Variants in SDK1 observed in about 807,000 individuals in gnomAD.
SDK1 encodes the protein sidekick cell adhesion molecule 1, also known as protein sidekick-1.
In SDK1, 157 loss-of-function variants were observed where a neutral mutation model predicts 245.5. That is an observed-to-expected ratio of 0.64 (90% CI 0.56 to 0.73). The LOEUF (loss-of-function observed/expected upper bound fraction) is 0.73, where lower values mean the gene tolerates loss of function less well. Among genes scored for constraint, SDK1 ranks in the 30% least tolerant of loss-of-function variants. The pLI, the probability that SDK1 is intolerant of heterozygous loss-of-function variation, is 0.00. For synonymous variants in SDK1, 1,647 were observed against 1,278.5 expected, an observed-to-expected ratio of 1.29 and a Z score of -6.15; for missense variants, 3,583 against 3,002.3, an observed-to-expected ratio of 1.19 and a Z score of -4.52.
In SDK1 at chr7:4,220,175, T is replaced by G; in HGVS notation, c.5606T>G (p.Leu1869Arg). The stretch of plus-strand genomic sequence containing the variant: ...CAGCGCTGGCTGAAGGTGCGGGACC[T>G]CACCAAGGGAGTGACCTATTTCTTC... The part of the protein sequence containing the change: ...NWQRWLKVRD[L>R]TKGVTYFFRV... Residue 1869 changes from leucine to arginine, a missense_variant, in exon 39 of 45, where the codon CTC (leucine) becomes CGC (arginine). By Grantham distance (102) the Leu-to-Arg change is moderately radical (BLOSUM62 -2). Coordinates refer to ENST00000404826, the MANE Select transcript of SDK1 (RefSeq NM_152744.4). The G allele has an allele frequency of 6.2e-7, 1 of 1,614,024 alleles. No individual in the cohort carries two copies. Among genetic ancestry groups the G allele is most frequent in the Non-Finnish European group, 8.5e-7 (1 of 1,179,994 alleles).
At position 3,870,959 on chromosome 7, in the gene SDK1, T is replaced by C. The variant is rs564376487; in HGVS notation, c.847+49376T>C. Among the ~76,000 whole-genome samples, 26 of 152,326 alleles carry C rather than the reference T, an allele frequency of 1.7e-4. No individual in the cohort carries two copies. In the South Asian group the frequency reaches 3.9e-3, roughly 23 times the overall value. ...CAGTTATTTTGCAGAGATTATTTGA[T>C]TGGTATTGTATTAAACTATAGATCA... On this transcript the variant is annotated intron_variant, in intron 5 of 44. Transcript: ENST00000404826.
chr7:3,994,641 CAAAAA>C (rs58677753), intron 14 of SDK1, among the ~76,000 whole-genome samples: 3 of 89,032 alleles, frequency 3.4e-5, no homozygotes, highest in Admixed American at 1.3e-4. Flanking sequence ...GACTTCATCT[CAAAAA>C]AAAAAAAAAA....
chr7:3,358,544 T>C lies in SDK1; in HGVS notation c.298+56660T>C, dbSNP rs4722722. ...GTGCCCAGAGTCAGCCATCATTACA[T>C]TGTTCACGCTTACAGCATAAGTTAA... is the stretch of plus-strand genomic sequence containing the variant. On this transcript the variant is annotated intron_variant, in intron 1 of 44. Transcript: ENST00000404826. 9.6e-4 allele frequency among the ~76,000 whole-genome samples: 146 copies of C among 152,002 alleles called. 1 individual carries two copies. The highest frequency in any genetic ancestry group is 3.4e-3 in the African/African-American group (139 of 41,478).
Position 4,149,458 on chromosome 7 carries a change from T to C in SDK1, c.4620T>C (p.Val1540=). The part of the protein sequence containing the change: ...SISHEATACV[V]DRLRPFTSYK... The stretch of plus-strand genomic sequence containing the variant: ...GCCATGAGGCGACAGCATGCGTCGT[T>C]GACAGGTACTGAGAGAGCAGGAGCA... Residue 1540 remains valine, a synonymous_variant, in exon 30 of 45, where the codon GTT becomes GTC. Transcript: ENST00000404826. The C allele has an allele frequency of 6.7e-7, 1 of 1,501,804 alleles. No homozygotes were observed. The highest frequency in any genetic ancestry group is 8.9e-7 in the Non-Finnish European group (1 of 1,124,238). 93.0% of individuals were successfully genotyped at this position (1,501,804 alleles called of 1,614,324 possible).
chr7:4,045,417 AT>A (rs947748449), intron 17 of SDK1, among the ~76,000 whole-genome samples: 9 of 150,112 alleles, frequency 6.0e-5, no homozygotes, highest in African/African-American at 2.2e-4. Context: ...TACTTTTTTG[AT>A]TTTTTTTTGT....
At position 4,233,093 on chromosome 7, in the gene SDK1, G is replaced by A. The variant is rs185709268; in HGVS notation, c.5828-162G>A. On this transcript the variant is annotated intron_variant, in intron 40 of 44. Coordinates refer to ENST00000404826, the MANE Select transcript of SDK1 (RefSeq NM_152744.4). ...ATCTCCAGAACGCTCTTCGACTTGC[G>A]AAACTGAGACTCCGTCCCCATTCAG... 1.7e-4 allele frequency: 106 copies of A among 619,028 alleles called. 1 individual carries two copies. The Admixed American group carries it at 2.3e-3, about 14-fold the overall frequency. 38.3% of individuals were successfully genotyped at this position (619,028 alleles called of 1,614,324 possible).
intron 40 of SDK1, among the ~76,000 whole-genome samples, chr7:4,225,415 C>T (rs892114334): frequency 2.6e-5 from 4 of 152,180 alleles, no homozygotes; most frequent in Admixed American, 1.3e-4. Flanking sequence ...GGGAGAGCGG[C>T]CTGTGGGATG....
intron 10 of SDK1, among the ~76,000 whole-genome samples, chr7:3,968,633 G>T (rs531530758): frequency 1.3e-5 from 2 of 152,056 alleles, no homozygotes; most frequent in Non-Finnish European, 2.9e-5. Context: ...ACTAAAAACC[G>T]ATCACCCAAA....
At chr7:3,534,424 T>C (rs73035996) in intron 1 of SDK1, among the ~76,000 whole-genome samples, 2 of 152,298 alleles carry the variant, frequency 1.3e-5, no homozygotes, top group African/African-American at 2.4e-5. Flanking sequence ...CTGGATCATA[T>C]AGTAATTATA....
At chr7:3,651,595 G>C (rs767966565) in intron 4 of SDK1, among the ~76,000 whole-genome samples, 2 of 152,176 alleles carry the variant, frequency 1.3e-5, no homozygotes, top group Non-Finnish European at 2.9e-5. Context: ...GTCCGATGGA[G>C]AAAATGGGGG....
At chr7:3,857,923 C>A (rs1377873842) in intron 5 of SDK1, among the ~76,000 whole-genome samples, 3 of 152,096 alleles carry the variant, frequency 2.0e-5, no homozygotes, top group Non-Finnish European at 4.4e-5. Context: ...ATCTATAGAA[C>A]TTTAATGACG....
At chr7:3,631,572 C>T (rs4722977) in intron 2 of SDK1, among the ~76,000 whole-genome samples, 26 of 152,266 alleles carry the variant, frequency 1.7e-4, no homozygotes, top group African/African-American at 4.8e-4. Context: ...AATATTAATG[C>T]GGTGTGACCT....
intron 1 of SDK1, among the ~76,000 whole-genome samples, chr7:3,480,184 G>A (rs749874655): frequency 2.6e-5 from 4 of 152,224 alleles, no homozygotes; most frequent in Non-Finnish European, 5.9e-5. Context: ...TAATGTGAAA[G>A]AAGTAGGCAG....
intron 5 of SDK1, among the ~76,000 whole-genome samples, chr7:3,910,856 G>A (rs1456488736): frequency 6.6e-6 from 1 of 152,160 alleles, no homozygotes; most frequent in Non-Finnish European, 1.5e-5. Context: ...AGTTAGTCCG[G>A]ATAATCGGCA....
chr7:3,464,981 T>C (rs142995191), intron 1 of SDK1, among the ~76,000 whole-genome samples: 1 of 152,190 alleles, frequency 6.6e-6, no homozygotes, highest in Non-Finnish European at 1.5e-5. Flanking sequence ...TTCGTGCTGC[T>C]AAGGCTAACA....
chr7:3,441,720 G>A (rs1489484231), intron 1 of SDK1, among the ~76,000 whole-genome samples: 1 of 152,174 alleles, frequency 6.6e-6, no homozygotes, highest in Non-Finnish European at 1.5e-5. Flanking sequence ...GACTGGGATT[G>A]CATTGGATCT....
intron 1 of SDK1, among the ~76,000 whole-genome samples, chr7:3,486,123 T>G (rs1183625416): frequency 6.6e-6 from 1 of 152,116 alleles, no homozygotes; most frequent in Non-Finnish European, 1.5e-5. Flanking sequence ...AATTTTGATT[T>G]CTTCTATGGT....
chr7:3,833,791 T>C (rs1258412601), intron 5 of SDK1, among the ~76,000 whole-genome samples: 1 of 152,240 alleles, frequency 6.6e-6, no homozygotes, highest in African/African-American at 2.4e-5. Context: ...TCATTTTACT[T>C]ACAGTGTTTG....
chr7:3,644,796 AAAAC>A (rs1782774132), intron 4 of SDK1, among the ~76,000 whole-genome samples: 1 of 124,490 alleles, frequency 8.0e-6, no homozygotes, highest in African/African-American at 2.6e-5. Context: ...AAAAAAACAA[AAAAC>A]AACAACAACG....
Sources: gnomAD v4.1 joint callset for allele counts (sites outside exome capture counted in the v4.1 genomes callset) on GRCh38, gnomAD v4.1.1 for gene constraint, MANE v1.5 for transcripts, NCBI Gene and HGNC (gene_info 2026-07-23, HGNC 2026-07-21) for gene names.